The following FUT8 variants were observed in gnomAD, a reference collection of about 807,000 sequenced individuals.
The protein encoded by FUT8 is alpha-(1,6)-fucosyltransferase.
In FUT8, 29 loss-of-function variants were observed where a neutral mutation model predicts 71.3. That is an observed-to-expected ratio of 0.41 (90% confidence interval 0.30 to 0.55). FUT8 has a LOEUF of 0.55. Ranked by LOEUF, FUT8 falls within the 20% of genes least tolerant of loss-of-function variation. FUT8 has a pLI of 0.34. For synonymous variants in FUT8, 254 were observed against 239.3 expected, an observed-to-expected ratio of 1.06 and a Z score of -0.57; for missense variants, 544 against 702.1, an observed-to-expected ratio of 0.77 and a Z score of 2.55.
intron 2 of FUT8, among the ~76,000 whole-genome samples, chr14:65,526,462 A>G (rs1212562147): frequency 6.6e-6 from 1 of 152,056 alleles, no homozygotes; most frequent in African/African-American, 2.4e-5. Context: ...GTGTCTCTTC[A>G]TGTGAGACAG....
intron 2 of FUT8, among the ~76,000 whole-genome samples, chr14:65,530,612 C>T (rs1190758202): frequency 6.6e-6 from 1 of 152,054 alleles, no homozygotes; most frequent in Non-Finnish European, 1.5e-5. Context: ...TTCTTTCATA[C>T]ATAGCTGTTA....
At chr14:65,380,330 G>C in the FUT8 span, among the ~76,000 whole-genome samples, 4 of 152,128 alleles carry the variant, frequency 2.6e-5, no homozygotes, top group African/African-American at 9.7e-5. Flanking sequence ...CTCCCCCCGG[G>C]TCCCTCCCAC....
intron 1 of FUT8, among the ~76,000 whole-genome samples, chr14:65,437,821 A>G (rs1423772479): frequency 2.0e-5 from 3 of 152,160 alleles, no homozygotes; most frequent in Non-Finnish European, 1.5e-5. Flanking sequence ...CAAGCAATGG[A>G]GTAGGGAGTA....
the FUT8 span, among the ~76,000 whole-genome samples, chr14:65,387,370 C>T: frequency 5.9e-5 from 9 of 152,158 alleles, no homozygotes; most frequent in African/African-American, 1.9e-4. Context: ...TATTTCCATT[C>T]CTGCGTGATT....
the FUT8 span, among the ~76,000 whole-genome samples, chr14:65,363,903 TC>T: frequency 6.6e-6 from 1 of 152,236 alleles, no homozygotes; most frequent in East Asian, 1.9e-4. Flanking sequence ...TGTTAACCTG[TC>T]TTTTGTTACA....
At chr14:65,424,138 G>A (rs916719533) in intron 1 of FUT8, among the ~76,000 whole-genome samples, 2 of 152,190 alleles carry the variant, frequency 1.3e-5, no homozygotes, top group African/African-American at 4.8e-5. Context: ...GAAACCGCGA[G>A]AGATCACTTT....
At chr14:65,593,999 T>C (rs572547087) in intron 3 of FUT8, among the ~76,000 whole-genome samples, 7 of 152,360 alleles carry the variant, frequency 4.6e-5, no homozygotes, top group Non-Finnish European at 7.3e-5. Flanking sequence ...CATGAGCCAC[T>C]GCTCCCGGCC....
chr14:65,607,292 C>T lies in FUT8; in HGVS notation c.204-8686C>T, dbSNP rs773906450. On this transcript the variant is annotated intron_variant, in intron 3 of 10. Transcript: ENST00000673929. The surrounding 1 kb of genome is among the most constrained non-coding windows in gnomAD (Gnocchi z 4.1). The stretch of plus-strand genomic sequence containing the variant: ...GTTCTTAGATTTAAAAGGAATGCTA[C>T]TGATGAGTTGATCCATAGAATGTGA... Among the ~76,000 whole-genome samples, 39 of 151,854 alleles carry T rather than the reference C, an allele frequency of 2.6e-4. 3 individuals carry two copies. The highest frequency in any genetic ancestry group is 5.0e-4 in the Non-Finnish European group (34 of 67,896).
chr14:65,721,669 C>T (rs1755963316), intron 7 of FUT8, 106 bp from the exon 8 acceptor site: 7 of 1,110,432 alleles, frequency 6.3e-6, no homozygotes, highest in Admixed American at 1.9e-5. Flanking sequence ...GATTATACTT[C>T]TTTAGAGTTG....
chr14:65,482,825 G>A (rs1042068658), intron 2 of FUT8, among the ~76,000 whole-genome samples: 38 of 152,148 alleles, frequency 2.5e-4, no homozygotes, highest in African/African-American at 9.2e-4. Flanking sequence ...CCAGTACAGA[G>A]TGCTGGAGAA....
At chr14:65,561,046 A>G (rs535999807) in intron 2 of FUT8, among the ~76,000 whole-genome samples, 2 of 152,312 alleles carry the variant, frequency 1.3e-5, no homozygotes, top group Admixed American at 6.5e-5. Context: ...GTCTTCATAT[A>G]TAAGTTAATG....
At chr14:65,517,352 C>T (rs1026040992) in intron 2 of FUT8, among the ~76,000 whole-genome samples, 12 of 151,974 alleles carry the variant, frequency 7.9e-5, no homozygotes, top group Non-Finnish European at 1.3e-4. Context: ...TAAAGAGTTA[C>T]AATATCATGA....
intron 2 of FUT8, among the ~76,000 whole-genome samples, chr14:65,457,244 A>C (rs1274372835): frequency 6.6e-6 from 1 of 152,192 alleles, no homozygotes; most frequent in Non-Finnish European, 1.5e-5. Context: ...CGCTGTGATG[A>C]TTTAACTATT....
chr14:65,368,732 A>C, the FUT8 span, among the ~76,000 whole-genome samples: 4 of 151,326 alleles, frequency 2.6e-5, no homozygotes, highest in Non-Finnish European at 5.9e-5. Flanking sequence ...CGTGTTAGCC[A>C]GGATGGTCTC....
intron 3 of FUT8, among the ~76,000 whole-genome samples, chr14:65,578,120 A>C (rs1371724307): frequency 6.6e-6 from 1 of 152,080 alleles, no homozygotes; most frequent in Non-Finnish European, 1.5e-5. Flanking sequence ...AGGCAAAGTA[A>C]ATTTTCATTA....
At chr14:65,593,105 T>C (rs1887779695) in intron 3 of FUT8, among the ~76,000 whole-genome samples, 1 of 152,198 alleles carries the variant, frequency 6.6e-6, no homozygotes, top group Admixed American at 6.5e-5. Flanking sequence ...ATGTTTATAA[T>C]CCCCAACATA....
intron 5 of FUT8, among the ~76,000 whole-genome samples, chr14:65,622,839 C>G (rs1052812134): frequency 4.6e-5 from 7 of 151,632 alleles, no homozygotes; most frequent in African/African-American, 1.7e-4. Flanking sequence ...CATTTACCCC[C>G]GTAAGTGTTA....
chr14:65,410,076 T>C (rs895558918), upstream of FUT8, among the ~76,000 whole-genome samples: 3 of 152,326 alleles, frequency 2.0e-5, no homozygotes, highest in Admixed American at 2.0e-4. Flanking sequence ...ACAGATACTT[T>C]CTGATGGCCA....
chr14:65,714,184 T>C (rs1894941059), intron 7 of FUT8, among the ~76,000 whole-genome samples: 1 of 152,204 alleles, frequency 6.6e-6, no homozygotes, highest in Non-Finnish European at 1.5e-5. Context: ...AGTGTCAATG[T>C]ATAGATTTGT....
Sources: gnomAD v4.1 joint callset for allele counts (sites outside exome capture counted in the v4.1 genomes callset) on GRCh38, gnomAD v4.1.1 for gene constraint, Gnocchi (gnomAD v3.1) non-coding constraint, MANE v1.5 for transcripts, NCBI Gene and HGNC (gene_info 2026-07-23, HGNC 2026-07-21) for gene names.